The following CLOCK variants were observed in gnomAD, a reference collection of about 807,000 sequenced individuals.
CLOCK encodes the protein circadian locomoter output cycles protein kaput.
CLOCK carries 43 observed loss-of-function variants against 118.4 expected under a neutral mutation model. The observed-to-expected ratio is 0.36, with a 90% CI of 0.28 to 0.47. The LOEUF (loss-of-function observed/expected upper bound fraction) is 0.47, where lower values mean the gene tolerates loss of function less well. Among genes scored for constraint, CLOCK ranks in the 20% least tolerant of loss-of-function variants. The pLI is 1.00. For missense variants in CLOCK, 846 were observed against 999.9 expected (o/e 0.85, Z 2.08); for synonymous variants, 326 against 339.2 (o/e 0.96, Z 0.43).
chr4:55,499,035 G>GATTATTTCATATAGTTTTT (rs1728264962), intron 2 of CLOCK, among the ~76,000 whole-genome samples: 1 of 152,060 alleles, frequency 6.6e-6, no homozygotes, highest in Non-Finnish European at 1.5e-5. Flanking sequence ...ATTTCCATTT[G>GATTATTTCATATAGTTTTT]ATTATTTCAT....
intron 11 of CLOCK, 63 bp downstream of exon 11, chr4:55,458,829 G>T: frequency 8.6e-7 from 1 of 1,158,478 alleles, no homozygotes; most frequent in Non-Finnish European, 1.3e-6. Flanking sequence ...TCTGCAGGAA[G>T]TTTCAGGCAG....
At chr4:55,488,876 GCATACGT>G (rs2109939377) in intron 3 of CLOCK, among the ~76,000 whole-genome samples, 1 of 152,214 alleles carries the variant, frequency 6.6e-6, no homozygotes, top group South Asian at 2.1e-4. Flanking sequence ...GGGATCACAG[GCATACGT>G]CATCATGCCC....
intron 1 of CLOCK, among the ~76,000 whole-genome samples, chr4:55,535,373 T>A (rs1246763282): frequency 6.6e-6 from 1 of 152,036 alleles, no homozygotes; most frequent in Non-Finnish European, 1.5e-5. Flanking sequence ...GAACACTACA[T>A]AAAACAGCTC....
At chr4:55,503,810 C>G (rs1188345478) in intron 2 of CLOCK, among the ~76,000 whole-genome samples, 3 of 151,848 alleles carry the variant, frequency 2.0e-5, no homozygotes, top group Non-Finnish European at 4.4e-5. Flanking sequence ...CTTCCCATAA[C>G]ATGAGGTCAA....
intron 8 of CLOCK, among the ~76,000 whole-genome samples, chr4:55,468,122 A>AT (rs1553894960): frequency 1.3e-5 from 2 of 152,012 alleles, no homozygotes; most frequent in Non-Finnish European, 2.9e-5. Flanking sequence ...GAGATAAGCT[A>AT]TTTTTTTAAT....
At chr4:55,515,518 G>A (rs1447402340) in intron 1 of CLOCK, among the ~76,000 whole-genome samples, 1 of 152,078 alleles carries the variant, frequency 6.6e-6, no homozygotes. Flanking sequence ...GGGACTACAG[G>A]CGCCTGACAC....
intron 8 of CLOCK, among the ~76,000 whole-genome samples, chr4:55,465,708 T>C (rs548715190): frequency 2.0e-5 from 3 of 152,070 alleles, no homozygotes; most frequent in African/African-American, 7.2e-5. Context: ...TCCCAGCACT[T>C]TGGGAGGCTG....
At chr4:55,452,897 A>C (rs1724591730) in intron 15 of CLOCK, 157 bp downstream of exon 15, 3 of 568,202 alleles carry the variant, frequency 5.3e-6, no homozygotes, top group Admixed American at 6.4e-5. Flanking sequence ...AGACTCTAAA[A>C]TATTAAATTA....
At chr4:55,515,145 C>T (rs796115581) in intron 1 of CLOCK, among the ~76,000 whole-genome samples, 1 of 152,138 alleles carries the variant, frequency 6.6e-6, no homozygotes, top group Non-Finnish European at 1.5e-5. Context: ...TCCATTTCAT[C>T]TAGGTTATCA....
rs1722647224 is a variant in CLOCK at position 55,433,330 on chromosome 4, T to C, written c.*2085A>G. Reference sequence around the variant, plus strand: ...TGATTGATATCTAGTCACACTTCTTTTGTAGAAGGGTAAGTACCAATTTTC... The same window carrying C: ...TGATTGATATCTAGTCACACTTCTTCTGTAGAAGGGTAAGTACCAATTTTC... On this transcript the variant is annotated 3_prime_UTR_variant, in exon 23 of 23. Transcript: ENST00000513440. 1.3e-5 allele frequency: 2 copies of C among 152,630 alleles called. No individual in the cohort carries two copies. The highest frequency in any genetic ancestry group is 4.8e-5 in the African/African-American group (2 of 41,444). The allele number at this position is 152,630 out of a possible 1,614,324, so 9.5% of individuals were successfully genotyped here.
rs1722367541 is a variant in CLOCK at position 55,429,303 on chromosome 4, TTAAC to T, written c.*6108_*6111del. The T allele has an allele frequency of 6.6e-6, 1 of 152,204 alleles. No individual in the cohort carries two copies. The highest frequency in any genetic ancestry group is 6.5e-5 in the Admixed American group (1 of 15,270). 9.4% of individuals were successfully genotyped at this position (152,204 alleles called of 1,614,324 possible). On this transcript the variant is annotated 3_prime_UTR_variant, in exon 23 of 23. Transcript: ENST00000513440. Reference sequence around the variant, plus strand: ...TAAATTCAATTGTGGTTGACGTGCTTTAACTACCGTTCTCTAAGTTGTGTGCTAT... The same window carrying T: ...TAAATTCAATTGTGGTTGACGTGCTTTACCGTTCTCTAAGTTGTGTGCTAT...
intron 1 of CLOCK, among the ~76,000 whole-genome samples, chr4:55,525,185 A>T (rs1730098857): frequency 6.6e-6 from 1 of 152,190 alleles, no homozygotes; most frequent in South Asian, 2.1e-4. Flanking sequence ...TTAAAAAGAA[A>T]ATTTTGGCTG....
chr4:55,543,047 G>C (rs1731385564), intron 1 of CLOCK, among the ~76,000 whole-genome samples: 1 of 152,078 alleles, frequency 6.6e-6, no homozygotes, highest in African/African-American at 2.4e-5. Flanking sequence ...CCAATTAGCT[G>C]AAACTACGGT....
At chr4:55,468,862 G>T (rs1442228530) in intron 8 of CLOCK, among the ~76,000 whole-genome samples, 2 of 152,122 alleles carry the variant, frequency 1.3e-5, no homozygotes, top group Non-Finnish European at 2.9e-5. Flanking sequence ...TATGACCACC[G>T]GTGGCCCTAA....
chr4:55,487,753 A>G (rs1384096847), intron 3 of CLOCK, among the ~76,000 whole-genome samples: 1 of 152,164 alleles, frequency 6.6e-6, no homozygotes, highest in African/African-American at 2.4e-5. Context: ...ATAGTTTTCA[A>G]TTCATGAAAA....
intron 2 of CLOCK, among the ~76,000 whole-genome samples, chr4:55,491,041 G>A (rs995050615): frequency 6.6e-6 from 1 of 152,000 alleles, no homozygotes; most frequent in Non-Finnish European, 1.5e-5. Flanking sequence ...TTCATAAGCA[G>A]ATGAAATTTA....
rs1722350070 is a variant in CLOCK at position 55,428,928 on chromosome 4, A to T, written c.*6487T>A. 1 of 151,760 alleles carries T rather than the reference A, an allele frequency of 6.6e-6. No homozygotes were observed. The highest frequency in any genetic ancestry group is 6.6e-5 in the Admixed American group (1 of 15,240). The allele number at this position is 151,760 out of a possible 1,614,324, so 9.4% of individuals were successfully genotyped here. A position where few individuals can be genotyped will look rare whatever the true frequency, so the allele number is the denominator to read the frequency against. On this transcript the variant is annotated 3_prime_UTR_variant, in exon 23 of 23. Transcript: ENST00000513440. ...CTTAAACCATAGTAAAGATTTCAAA[A>T]TCATTCCAGTATGGTCTGAATGGTA...
chr4:55,458,406 G>C (rs1485453697), intron 11 of CLOCK, among the ~76,000 whole-genome samples: 1 of 152,002 alleles, frequency 6.6e-6, no homozygotes, highest in Non-Finnish European at 1.5e-5. Context: ...TTTCCAGTCA[G>C]TTTCTAGTGG....
Position 55,428,482 on chromosome 4 carries a change from C to T in CLOCK, c.*6933G>A, listed in dbSNP as rs557376231. 1.4e-4 allele frequency: 21 copies of T among 152,264 alleles called. No individual in the cohort carries two copies. The highest frequency in any genetic ancestry group is 4.8e-4 in the African/African-American group (20 of 41,540). The allele number at this position is 152,264 out of a possible 1,614,324, so 9.4% of individuals were successfully genotyped here. A position where few individuals can be genotyped will look rare whatever the true frequency, so the allele number is the denominator to read the frequency against. On this transcript the variant is annotated 3_prime_UTR_variant, in exon 23 of 23. Coordinates refer to ENST00000513440, the MANE Select transcript of CLOCK (RefSeq NM_004898.4). ...CATGTGTGTATGCAATTCAGAATTT[C>T]GGCAGAAGACAACAAATGGAAAATG...
Sources: allele counts gnomAD v4.1 joint callset (sites outside exome capture counted in the v4.1 genomes callset), GRCh38; gene constraint gnomAD v4.1.1; transcripts MANE v1.5; gene names NCBI Gene and HGNC (gene_info 2026-07-23, HGNC 2026-07-21).